Variants in RCCD1 observed in about 807,000 individuals in gnomAD.
RCCD1 encodes RCC1 domain-containing protein 1.
A neutral mutation model predicts 37.6 loss-of-function variants in RCCD1; 40 were observed. The observed-to-expected ratio is 1.06, with a 90% CI of 0.83 to 1.39. The LOEUF (loss-of-function observed/expected upper bound fraction) is 1.39. Ranked by LOEUF, RCCD1 falls within the 40% of genes most tolerant of loss-of-function variation. RCCD1 has a pLI of 0.00. For synonymous variants in RCCD1, 263 were observed against 230.0 expected, an observed-to-expected ratio of 1.14 and a Z score of -1.30; for missense variants, 577 against 517.3, an observed-to-expected ratio of 1.12 and a Z score of -1.12.
chr15:90,958,060 C>T (rs1453100537), intron 4 of RCCD1, among the ~76,000 whole-genome samples: 1 of 152,190 alleles, frequency 6.6e-6, no homozygotes, highest in Non-Finnish European at 1.5e-5. Flanking sequence ...CCAAGGAAAA[C>T]GCAGAAACGC....
At position 90,956,601 on chromosome 15, in the gene RCCD1, C is replaced by G; in HGVS notation, c.-123-11C>G. On this transcript the variant is annotated splice_polypyrimidine_tract_variant and intron_variant, in intron 1 of 7. Transcript: ENST00000394258. ...TGTGGTCGGGAGAATGATAGTTTCT[C>G]CATTTTACAGATAAGGCAGCTCCAG... is the stretch of plus-strand genomic sequence containing the variant. 1.2e-6 allele frequency: 1 copy of G among 864,374 alleles called. No homozygotes were observed. Among genetic ancestry groups the G allele is most frequent in the African/African-American group, 1.7e-5 (1 of 57,516 alleles). The allele number at this position is 864,374 out of a possible 1,614,324, so 53.5% of individuals were successfully genotyped here. A position where few individuals can be genotyped will look rare whatever the true frequency, so the allele number is the denominator to read the frequency against.
rs750668019 is a variant in RCCD1, at chr15:90,961,672, G to T, written c.1034G>T (p.Arg345Leu). The change falls in exon 8 of 8, where the codon CGT becomes CTT. Residue 345 changes from arginine (R) to leucine (L), a missense_variant. Arg to Leu is a moderately radical substitution (Grantham distance 102). Coordinates refer to ENST00000394258, the MANE Select transcript of RCCD1 (RefSeq NM_001017919.2). ...ACCACCAGCTTGGATCGGCCTCGCC[G>T]TGTGGAATACTTTGTAGATAAGCAA... ...EDTTSLDRPRRVEYFVDKQLQ... is the reference protein window; with the variant it reads ...EDTTSLDRPRLVEYFVDKQLQ... 8.7e-6 allele frequency: 14 copies of T among 1,614,148 alleles called. No individual in the cohort carries two copies. In the East Asian group the frequency reaches 3.1e-4, roughly 36 times the overall value.
rs2037341452 is a variant in RCCD1 at position 90,962,852 on chromosome 15, T to A, written c.*1083T>A. On this transcript the variant is annotated 3_prime_UTR_variant, in exon 8 of 8. Coordinates refer to ENST00000394258, the MANE Select transcript of RCCD1 (RefSeq NM_001017919.2). ...CAGAGTATCTTCTGCTACAATGTAG[T>A]TTGTTTCAGTCTCTCTTGGTATTAC... 6.6e-6 allele frequency: 1 copy of A among 152,248 alleles called. No individual in the cohort carries two copies. Among genetic ancestry groups the A allele is most frequent in the South Asian group, 2.1e-4 (1 of 4,834 alleles). The allele number at this position is 152,248 out of a possible 1,614,324, so 9.4% of individuals were successfully genotyped here. A position where few individuals can be genotyped will look rare whatever the true frequency, so the allele number is the denominator to read the frequency against.
chr15:90,961,134 A>G (rs965310351), intron 7 of RCCD1, 80 bp downstream of exon 7: 4 of 1,395,998 alleles, frequency 2.9e-6, no homozygotes, highest in Non-Finnish European at 4.0e-6. Flanking sequence ...GACAAAGCCA[A>G]CAAGACTGGA....
At chr15:90,960,623 G>C in intron 6 of RCCD1, 125 bp downstream of exon 6, 1 of 870,990 alleles carries the variant, frequency 1.1e-6, no homozygotes, top group South Asian at 1.8e-5. Context: ...CTTGCTCAGT[G>C]GATAAGCCCC....
In RCCD1 at chr15:90,957,195, C is replaced by A. The variant is rs1289262125; in HGVS notation, c.249C>A (p.Leu83=). The A allele has an allele frequency of 7.2e-7, 1 of 1,396,868 alleles. No individual in the cohort carries two copies. The highest frequency in any genetic ancestry group is 9.3e-7 in the Non-Finnish European group (1 of 1,080,448). 86.5% of individuals were successfully genotyped at this position (1,396,868 alleles called of 1,614,324 possible). A position where few individuals can be genotyped will look rare whatever the true frequency, so the allele number is the denominator to read the frequency against. ...CKDAWASEGL[L]AVLRAGPGPE... ...ACGCGTGGGCCTCGGAGGGGCTCCT[C>A]GCGGTGCTGCGCGCCGGGCCGGGGC... is the stretch of plus-strand genomic sequence containing the variant. The change falls in exon 3 of 8, where the codon CTC becomes CTA. Residue 83 remains leucine, a synonymous_variant. Coordinates refer to ENST00000394258, the MANE Select transcript of RCCD1 (RefSeq NM_001017919.2).
chr15:90,958,114 C>T lies in RCCD1; in HGVS notation c.679+389C>T, dbSNP rs73494552. Among the ~76,000 whole-genome samples, 1,233 of 152,328 alleles carry T rather than the reference C, an allele frequency of 8.1e-3. 17 individuals are homozygous for T. The highest frequency in any genetic ancestry group is 0.028 in the African/African-American group (1,145 of 41,584). On this transcript the variant is annotated intron_variant, in intron 4 of 7. Transcript: ENST00000394258. Reference sequence around the variant, plus strand: ...CATGATGTGTGGCACAGGGTGGACACTGGGGTGCCCACCAGGCACCAGGAT... The same window carrying T: ...CATGATGTGTGGCACAGGGTGGACATTGGGGTGCCCACCAGGCACCAGGAT...
chr15:90,961,529 CTTCATTTGATAG>C, intron 7 of RCCD1, 77 bp from the exon 8 acceptor site: 1 of 1,420,118 alleles, frequency 7.0e-7, no homozygotes, highest in East Asian at 2.3e-5. Flanking sequence ...AATCCCAGCA[CTTCATTTGATAG>C]TCTGGGCCCC....
At position 90,957,513 on chromosome 15, in the gene RCCD1, G is replaced by A. The variant is rs1481308674; in HGVS notation, c.557+10G>A. The A allele has an allele frequency of 6.3e-7, 1 of 1,580,670 alleles. No homozygotes were observed. The highest frequency in any genetic ancestry group is 8.6e-7 in the Non-Finnish European group (1 of 1,165,936). ...CCTGGGGCGGGGGCAGGTGAGCGGA[G>A]GCGGGGGCAGGTGAGGGCTGCTGAT... On this transcript the variant is annotated intron_variant, in intron 3 of 7. Transcript: ENST00000394258.
In RCCD1 at chr15:90,957,364, G is replaced by T; in HGVS notation, c.418G>T (p.Ala140Ser). Reference protein sequence around the residue: ...QAGRLPLLPCARAYVSPRAPF... With the variant: ...QAGRLPLLPCSRAYVSPRAPF... ...TGGGAGGCTACCCCTGCTGCCCTGC[G>T]CCCGTGCCTACGTGAGCCCGCGGGC... The change falls in exon 3 of 8, where the codon GCC becomes TCC. Residue 140 changes from alanine to serine, a missense_variant. Transcript: ENST00000394258. The T allele has an allele frequency of 6.5e-7, 1 of 1,546,108 alleles. No homozygotes were observed. The highest frequency in any genetic ancestry group is 8.7e-7 in the Non-Finnish European group (1 of 1,146,036).
chr15:90,956,468 A>C (rs2037195449), intron 1 of RCCD1, 144 bp from the exon 2 acceptor site: 1 of 356,576 alleles, frequency 2.8e-6, no homozygotes, highest in South Asian at 1.5e-4. Flanking sequence ...TTGAGCCAAA[A>C]GGGAGGACAG....
Position 90,956,617 on chromosome 15 carries a change from G to A in RCCD1, c.-118G>A. 1 of 949,520 alleles carries A rather than the reference G, an allele frequency of 1.1e-6. No homozygotes were observed. Among genetic ancestry groups the A allele is most frequent in the Non-Finnish European group, 1.4e-6 (1 of 731,080 alleles). 58.8% of individuals were successfully genotyped at this position (949,520 alleles called of 1,614,324 possible). ...ATAGTTTCTCCATTTTACAGATAAG[G>A]CAGCTCCAGCCCCTGGAAGGCCAGA... is the stretch of plus-strand genomic sequence containing the variant. On this transcript the variant is annotated 5_prime_UTR_variant, in exon 2 of 8. Coordinates refer to ENST00000394258, the MANE Select transcript of RCCD1 (RefSeq NM_001017919.2).
chr15:90,960,576 T>C, intron 6 of RCCD1, 78 bp downstream of exon 6: 1 of 1,390,836 alleles, frequency 7.2e-7, no homozygotes, highest in Non-Finnish European at 9.7e-7. Context: ...GAAAAACTTC[T>C]GTCTTAAGGC....
intron 5 of RCCD1, 147 bp from the exon 6 acceptor site, chr15:90,960,181 C>G (rs2037285557): frequency 1.0e-6 from 1 of 961,212 alleles, no homozygotes; most frequent in Non-Finnish European, 1.5e-6. Context: ...CAGTGCCAGC[C>G]CTGCCTGCAG....
At chr15:90,956,115 G>A (rs960222613) in intron 1 of RCCD1, among the ~76,000 whole-genome samples, 4 of 152,188 alleles carry the variant, frequency 2.6e-5, no homozygotes, top group Non-Finnish European at 4.4e-5. Flanking sequence ...GGACTCAGGT[G>A]GATTGGCTGC....
At position 90,961,065 on chromosome 15, in the gene RCCD1, G is replaced by A; in HGVS notation, c.979+11G>A. On this transcript the variant is annotated intron_variant, in intron 7 of 7. Coordinates refer to ENST00000394258, the MANE Select transcript of RCCD1 (RefSeq NM_001017919.2). The stretch of plus-strand genomic sequence containing the variant: ...ACACCTGGGGCTGGGGTAAGTAAAA[G>A]GATTGTTTTTGTGACCCTGAAACCA... 6.2e-7 allele frequency: 1 copy of A among 1,613,524 alleles called. No individual in the cohort carries two copies. The highest frequency in any genetic ancestry group is 1.1e-5 in the South Asian group (1 of 91,042).
Position 90,961,829 on chromosome 15 carries a change from C to T in RCCD1, c.*60C>T, listed in dbSNP as rs1596255878. The T allele has an allele frequency of 2.6e-6, 4 of 1,543,094 alleles. No individual in the cohort carries two copies. The East Asian group carries it at 6.8e-5, about 26-fold the overall frequency. ...GACCCCCATTCAGGTCAAGGAAAAC[C>T]ATTGCCTGCACCCCAAGGGCCCCAT... On this transcript the variant is annotated 3_prime_UTR_variant, in exon 8 of 8. Transcript: ENST00000394258.
intron 7 of RCCD1, 119 bp downstream of exon 7, chr15:90,961,173 G>C: frequency 2.1e-6 from 2 of 969,940 alleles, no homozygotes; most frequent in African/African-American, 3.2e-5. Context: ...CAGGTCACTG[G>C]GAGGAACAGG....
At chr15:90,957,077 T>C in intron 2 of RCCD1, 36 bp from the exon 3 acceptor site, 2 of 1,314,010 alleles carry the variant, frequency 1.5e-6, no homozygotes, top group South Asian at 2.2e-5. Flanking sequence ...CCCCGCCGCC[T>C]CCATTCTGGC....
Sources: gnomAD v4.1 joint callset for allele counts (sites outside exome capture counted in the v4.1 genomes callset) on GRCh38, gnomAD v4.1.1 for gene constraint, MANE v1.5 for transcripts, NCBI Gene and HGNC (gene_info 2026-07-23, HGNC 2026-07-21) for gene names.